C6: variants seen among roughly 807,000 people sequenced by gnomAD.
The protein encoded by C6 is complement component C6.
A neutral mutation model predicts 112.9 loss-of-function variants in C6; 101 were observed. The ratio of observed to expected loss-of-function variants is 0.89; its 90% CI spans 0.76 to 1.06. C6 has a LOEUF of 1.06. C6 is among the 50% of genes least tolerant of loss of function. C6 has a pLI of 0.00. For missense variants in C6, 1,202 were observed against 1,104.6 expected (o/e 1.09, Z -1.25); for synonymous variants, 431 against 384.1 (o/e 1.12, Z -1.43).
intron 9 of C6, among the ~76,000 whole-genome samples, chr5:41,169,345 G>A (rs1464419344): frequency 4.0e-5 from 6 of 151,652 alleles, no homozygotes; most frequent in African/African-American, 1.5e-4. Flanking sequence ...ACACACACAC[G>A]CACTCTTAAA....
Position 41,213,475 on chromosome 5 carries a change from A to C in C6, c.-120T>G, listed in dbSNP as rs1352526459. 1 of 985,264 alleles carries C rather than the reference A, an allele frequency of 1.0e-6. No homozygotes were observed. Among genetic ancestry groups the C allele is most frequent in the African/African-American group, 1.7e-5 (1 of 57,248 alleles). The allele number at this position is 985,264 out of a possible 1,614,324, so 61.0% of individuals were successfully genotyped here. ...GAGGGTATATATGTTAATCCAAACA[A>C]AGCTTCTTTTCTTATTGCTAGCTAA... On this transcript the variant is annotated 5_prime_UTR_variant, in exon 1 of 18. Coordinates refer to ENST00000337836, the MANE Select transcript of C6 (RefSeq NM_000065.5).
Position 41,145,620 on chromosome 5 carries a change from A to G in C6, c.2624-2614T>C, listed in dbSNP as rs3805710. On this transcript the variant is annotated intron_variant, in intron 17 of 17. Coordinates refer to ENST00000337836, the MANE Select transcript of C6 (RefSeq NM_000065.5). ...GAAAAATAGGGAAAGGAAGTAGGAGATACTCATATGCACCACATGCCTGGG... is the reference window on the plus strand; with the variant it reads ...GAAAAATAGGGAAAGGAAGTAGGAGGTACTCATATGCACCACATGCCTGGG... 2.6e-3 allele frequency among the ~76,000 whole-genome samples: 399 copies of G among 152,306 alleles called. 12 individuals carry two copies. In the East Asian group the frequency reaches 0.073, roughly 28 times the overall value.
At position 41,149,928 on chromosome 5, in the gene C6, C is replaced by G. The variant is rs201815040; in HGVS notation, c.2381+7G>C. 39 of 1,581,634 alleles carry G rather than the reference C, an allele frequency of 2.5e-5. No homozygotes were observed. In the East Asian group the frequency reaches 8.5e-4, roughly 34 times the overall value. ...TTTCCAGACACAGTCTGTAGGGTAT[C>G]TCTTACCTACAGTCTTCTTCTGGAG... On this transcript the variant is annotated splice_region_variant and intron_variant, in intron 16 of 17. Coordinates refer to ENST00000337836, the MANE Select transcript of C6 (RefSeq NM_000065.5).
At chr5:41,154,404 C>T (rs939207979) in intron 14 of C6, among the ~76,000 whole-genome samples, 8 of 152,182 alleles carry the variant, frequency 5.3e-5, no homozygotes, top group African/African-American at 1.7e-4. Context: ...TTCATGGTCT[C>T]CCACAATAAG....
chr5:41,249,390 T>C (rs1741206494), intron 1 of C6, among the ~76,000 whole-genome samples: 1 of 152,198 alleles, frequency 6.6e-6, no homozygotes, highest in South Asian at 2.1e-4. Context: ...TAATAACAAT[T>C]TAAATGCTTG....
intron 1 of C6, among the ~76,000 whole-genome samples, chr5:41,209,236 T>G (rs982880064): frequency 6.6e-6 from 1 of 152,150 alleles, no homozygotes; most frequent in Non-Finnish European, 1.5e-5. Flanking sequence ...TAATAAGAGC[T>G]ATTTATGACA....
intron 1 of C6, among the ~76,000 whole-genome samples, chr5:41,257,626 T>C (rs929235320): frequency 6.6e-6 from 1 of 152,102 alleles, no homozygotes; most frequent in African/African-American, 2.4e-5. Flanking sequence ...TAAGGAAGGG[T>C]TACCACTATG....
intron 5 of C6, among the ~76,000 whole-genome samples, chr5:41,193,019 G>A (rs1158419566): frequency 6.6e-6 from 1 of 152,110 alleles, no homozygotes; most frequent in Non-Finnish European, 1.5e-5. Flanking sequence ...ACTTTCAATG[G>A]ATGAATTGTA....
intron 1 of C6, among the ~76,000 whole-genome samples, chr5:41,236,781 T>TC (rs1740338898): frequency 7.3e-6 from 1 of 137,508 alleles, no homozygotes; most frequent in African/African-American, 2.8e-5. Flanking sequence ...AATCAATGAA[T>TC]CCAGGAGCTG....
chr5:41,235,191 GC>G (rs1338823244), intron 1 of C6, among the ~76,000 whole-genome samples: 1 of 141,158 alleles, frequency 7.1e-6, no homozygotes, highest in African/African-American at 2.7e-5. Flanking sequence ...GTGTCATCTA[GC>G]ATTAGGTATA....
chr5:41,209,519 A>T (rs1185894261), intron 1 of C6, among the ~76,000 whole-genome samples: 4 of 152,248 alleles, frequency 2.6e-5, no homozygotes, highest in African/African-American at 9.6e-5. Flanking sequence ...CAACTTCAGC[A>T]AAGTCTCAGG....
At chr5:41,169,051 C>T (rs563816055) in intron 9 of C6, among the ~76,000 whole-genome samples, 44 of 151,950 alleles carry the variant, frequency 2.9e-4, no homozygotes, top group Non-Finnish European at 2.4e-4. Context: ...CAAAAGATGG[C>T]CTGGCCTTTT....
At chr5:41,218,149 C>T (rs1020557586), upstream of C6, among the ~76,000 whole-genome samples, 6 of 152,056 alleles carry the variant, frequency 3.9e-5, no homozygotes, top group Non-Finnish European at 2.9e-5. Flanking sequence ...AAGAACTTCA[C>T]CTCATAGTAA....
rs747392993 is a variant in C6 at position 41,160,239 on chromosome 5, A to G, written c.1587T>C (p.Asn529=). Residue 529 remains asparagine (N), a synonymous_variant, in exon 11 of 18, where the codon AAT becomes AAC. Transcript: ENST00000337836. ...CAGTCCCTGAGAGGGTGGGTCGGCCATTATTAGGGCATGGAGCACACTGGC... is the reference window on the plus strand; with the variant it reads ...CAGTCCCTGAGAGGGTGGGTCGGCCGTTATTAGGGCATGGAGCACACTGGC... ...DPCQCAPCPN[N]GRPTLSGTEC... is the part of the protein sequence containing the mutation. 2 of 1,613,918 alleles carry G rather than the reference A, an allele frequency of 1.2e-6. No individual in the cohort carries two copies. The highest frequency in any genetic ancestry group is 1.7e-4 in the Middle Eastern group (1 of 6,058).
In C6 at chr5:41,142,525, G is replaced by T; in HGVS notation, c.*300C>A. On this transcript the variant is annotated 3_prime_UTR_variant, in exon 18 of 18. Coordinates refer to ENST00000337836, the MANE Select transcript of C6 (RefSeq NM_000065.5). ...ATTGCGAGAATGCTTAATGTCACAG[G>T]CTACATAAGGGCCTCAGAAGTCACA... The T allele has an allele frequency of 2.7e-6, 1 of 374,196 alleles. No homozygotes were observed. Among genetic ancestry groups the T allele is most frequent in the Non-Finnish European group, 5.0e-6 (1 of 201,014 alleles). 23.2% of individuals were successfully genotyped at this position (374,196 alleles called of 1,614,324 possible).
intron 13 of C6, among the ~76,000 whole-genome samples, chr5:41,157,028 C>T (rs916864743): frequency 5.9e-5 from 9 of 152,064 alleles, no homozygotes; most frequent in African/African-American, 2.2e-4. Context: ...ATTGCTCTAG[C>T]CTGGAATTAG....
At chr5:41,235,284 A>G (rs977161101) in intron 1 of C6, among the ~76,000 whole-genome samples, 1 of 129,950 alleles carries the variant, frequency 7.7e-6, no homozygotes, top group Non-Finnish European at 1.6e-5. Context: ...TGTCCATGTG[A>G]TCTCATTGTT....
intron 9 of C6, among the ~76,000 whole-genome samples, chr5:41,166,087 ATAATTTTAAAAG>A (rs1299749754): frequency 1.3e-5 from 2 of 152,158 alleles, no homozygotes; most frequent in Non-Finnish European, 2.9e-5. Context: ...AATGTTCTTT[ATAATTTTAAAAG>A]CTGAGAATTT....
chr5:41,172,458 C>G, intron 8 of C6, 111 bp from the exon 9 acceptor site: 1 of 1,033,620 alleles, frequency 9.7e-7, no homozygotes, highest in Non-Finnish European at 1.5e-6. Flanking sequence ...ATTAGCCCCT[C>G]TCTTCCCCAG....
Sources: gnomAD v4.1 joint callset for allele counts (sites outside exome capture counted in the v4.1 genomes callset) on GRCh38, gnomAD v4.1.1 for gene constraint, MANE v1.5 for transcripts, NCBI Gene and HGNC (gene_info 2026-07-23, HGNC 2026-07-21) for gene names.